TMEM39A: variants seen among roughly 807,000 people sequenced by gnomAD.
TMEM39A encodes the protein transmembrane protein 39A, also known as suppressor of SQST-1 aggregates in rpl-43 mutants.
In TMEM39A, 19 loss-of-function variants were observed where a neutral mutation model predicts 51.9. The ratio of observed to expected loss-of-function variants is 0.37; its 90% CI spans 0.26 to 0.54. TMEM39A has a LOEUF of 0.54. TMEM39A is among the 20% of genes least tolerant of loss of function. The pLI is 0.88. For missense variants in TMEM39A, 433 were observed against 590.5 expected, an observed-to-expected ratio of 0.73 and a Z score of 2.76; for synonymous variants, 197 against 220.2, an observed-to-expected ratio of 0.89 and a Z score of 0.93.
In TMEM39A at chr3:119,447,065, A is replaced by T; in HGVS notation, c.528T>A (p.Asn176Lys). ...TGAGGACTGAATGGCTTCGAAAGAGATTGACGAGGGTCCAACAAAGTACCC... is the reference window on the plus strand; with the variant it reads ...TGAGGACTGAATGGCTTCGAAAGAGTTTGACGAGGGTCCAACAAAGTACCC... ...CGWVLCWTLVNLFRSHSVLNL... is the reference protein window; with the variant it reads ...CGWVLCWTLVKLFRSHSVLNL... Residue 176 changes from asparagine to lysine, a missense_variant, in exon 5 of 9, where the codon AAT (asparagine) becomes AAA (lysine). By Grantham distance (94) the Asn-to-Lys change is moderately conservative. Around this residue, in one of 3 missense-constraint regions of TMEM39A, gnomAD observed 170 missense variants for 239.8 expected, o/e 0.71. Coordinates refer to ENST00000319172, the MANE Select transcript of TMEM39A (RefSeq NM_018266.3). The T allele has an allele frequency of 2.5e-6, 4 of 1,614,176 alleles. No individual in the cohort carries two copies. Among genetic ancestry groups the T allele is most frequent in the Non-Finnish European group, 3.4e-6 (4 of 1,180,020 alleles).
intron 5 of TMEM39A, among the ~76,000 whole-genome samples, chr3:119,439,860 T>C (rs980998207): frequency 6.6e-6 from 1 of 152,066 alleles, no homozygotes; most frequent in Non-Finnish European, 1.5e-5. Flanking sequence ...CTCAACTTCT[T>C]GGGCTCACGC....
chr3:119,437,859 C>T lies in TMEM39A; in HGVS notation c.820G>A (p.Val274Ile), dbSNP rs773038693. The change falls in exon 6 of 9, where the codon GTA becomes ATA. Residue 274 changes from valine to isoleucine, a missense_variant. This residue lies in a region of TMEM39A where 223 missense variants were observed against 328.1 expected (regional missense o/e 0.68). Coordinates refer to ENST00000319172, the MANE Select transcript of TMEM39A (RefSeq NM_018266.3). ...TTGAAATCTGCTTTCAGACATTCTACTTCATTGCGAATGAGGTCTGGAGAT... is the reference window on the plus strand; with the variant it reads ...TTGAAATCTGCTTTCAGACATTCTATTTCATTGCGAATGAGGTCTGGAGAT... ...PLSPDLIRNE[V>I]ECLKADFNHR... 1 of 1,612,372 alleles carries T rather than the reference C, an allele frequency of 6.2e-7. No individual in the cohort carries two copies. The highest frequency in any genetic ancestry group is 8.5e-7 in the Non-Finnish European group (1 of 1,178,500).
intron 2 of TMEM39A, among the ~76,000 whole-genome samples, chr3:119,461,634 GA>G (rs1200886918): frequency 2.0e-5 from 3 of 151,256 alleles, no homozygotes; most frequent in Non-Finnish European, 4.5e-5. Flanking sequence ...TCTAAAAAAA[GA>G]ATGCTTATAA....
chr3:119,438,271 T>C (rs2081002088), intron 5 of TMEM39A, among the ~76,000 whole-genome samples, 168 bp from the exon 6 acceptor site: 1 of 152,170 alleles, frequency 6.6e-6, no homozygotes, highest in Non-Finnish European at 1.5e-5. Flanking sequence ...TCTGGGGAGC[T>C]CTTCAATTTC....
rs897316759 is a variant in TMEM39A, at chr3:119,435,051, A to C, written c.1113-169T>G. 8.3e-6 allele frequency: 8 copies of C among 964,576 alleles called. No homozygotes were observed. The African/African-American group carries it at 1.4e-4, about 17-fold the overall frequency. 59.8% of individuals were successfully genotyped at this position (964,576 alleles called of 1,614,324 possible). A position where few individuals can be genotyped will look rare whatever the true frequency, so the allele number is the denominator to read the frequency against. On this transcript the variant is annotated intron_variant, in intron 7 of 8. Coordinates refer to ENST00000319172, the MANE Select transcript of TMEM39A (RefSeq NM_018266.3). ...TCAAACTGGAGTAGTTTTAGAAAGG[A>C]TTTGTTACTTTAACTTCATTGCTAT...
rs946526383 is a variant in TMEM39A at position 119,430,687 on chromosome 3, G to C, written c.*1294C>G. ...ACATAAAACTGATATTGGGTACCTT[G>C]GTTTTACAAACACTCCTCACAATAC... is the stretch of plus-strand genomic sequence containing the variant. On this transcript the variant is annotated 3_prime_UTR_variant, in exon 9 of 9. Coordinates refer to ENST00000319172, the MANE Select transcript of TMEM39A (RefSeq NM_018266.3). The C allele has an allele frequency of 6.6e-6, 1 of 152,034 alleles. No homozygotes were observed. Among genetic ancestry groups the C allele is most frequent in the African/African-American group, 2.4e-5 (1 of 41,412 alleles). 9.4% of individuals were successfully genotyped at this position (152,034 alleles called of 1,614,324 possible).
intron 5 of TMEM39A, among the ~76,000 whole-genome samples, chr3:119,441,119 G>T (rs1471088951): frequency 6.6e-6 from 1 of 151,924 alleles, no homozygotes; most frequent in African/African-American, 2.4e-5. Flanking sequence ...TCTCCCTCAC[G>T]TCAGACCTCC....
chr3:119,446,688 G>C (rs1465601981), intron 5 of TMEM39A: 1 of 190,046 alleles, frequency 5.3e-6, no homozygotes, highest in African/African-American at 2.3e-5. Flanking sequence ...TCGAACCAGT[G>C]CATTCATCTA....
chr3:119,435,831 T>A, intron 7 of TMEM39A: 1 of 1,288,578 alleles, frequency 7.8e-7, no homozygotes, highest in Non-Finnish European at 1.0e-6. Flanking sequence ...GTACTGTGGA[T>A]TGTATTTTCA....
chr3:119,462,256 C>G, intron 1 of TMEM39A, 108 bp from the exon 2 acceptor site: 2 of 556,270 alleles, frequency 3.6e-6, no homozygotes, highest in Admixed American at 3.2e-5. Context: ...GATTTTCAAA[C>G]GAATGTTCCC....
rs1295115394 is a variant in TMEM39A at position 119,463,410 on chromosome 3, A to C, written c.-149T>G. The C allele has an allele frequency of 5.1e-6, 2 of 393,628 alleles. No individual in the cohort carries two copies. The highest frequency in any genetic ancestry group is 4.1e-5 in the African/African-American group (2 of 48,494). 24.4% of individuals were successfully genotyped at this position (393,628 alleles called of 1,614,324 possible). A position where few individuals can be genotyped will look rare whatever the true frequency, so the allele number is the denominator to read the frequency against. ...AACTTTACAGACTGGACCCCAGGTA[A>C]GGGAACTCCCTCCCAGCGTTGGAAC... On this transcript the variant is annotated 5_prime_UTR_variant, in exon 1 of 9. Transcript: ENST00000319172.
intron 2 of TMEM39A, among the ~76,000 whole-genome samples, chr3:119,460,491 T>C (rs2081322832): frequency 6.6e-6 from 1 of 152,178 alleles, no homozygotes; most frequent in South Asian, 2.1e-4. Flanking sequence ...CATAGTATCT[T>C]AATATTTAAA....
chr3:119,457,002 G>A (rs1163447345), intron 3 of TMEM39A, among the ~76,000 whole-genome samples: 3 of 144,670 alleles, frequency 2.1e-5, no homozygotes, highest in Admixed American at 1.4e-4. Context: ...ACAGAGTCTC[G>A]CTCTGTCGCC....
chr3:119,462,766 T>C (rs935497251), intron 1 of TMEM39A, among the ~76,000 whole-genome samples: 1 of 151,664 alleles, frequency 6.6e-6, no homozygotes, highest in African/African-American at 2.4e-5. Context: ...TCTCTATATG[T>C]TAGGGTTAAA....
At chr3:119,461,035 T>G (rs2081329492) in intron 2 of TMEM39A, among the ~76,000 whole-genome samples, 1 of 152,240 alleles carries the variant, frequency 6.6e-6, no homozygotes, top group Non-Finnish European at 1.5e-5. Flanking sequence ...CTACTTCATT[T>G]ATTTCAACAT....
chr3:119,450,737 G>A (rs1019858876), intron 4 of TMEM39A, among the ~76,000 whole-genome samples: 6 of 142,898 alleles, frequency 4.2e-5, no homozygotes, highest in Admixed American at 1.5e-4. Context: ...CAGGAGAATC[G>A]CTCGAACCTG....
chr3:119,444,937 G>C (rs921824785), intron 5 of TMEM39A, among the ~76,000 whole-genome samples: 4 of 152,122 alleles, frequency 2.6e-5, no homozygotes, highest in Non-Finnish European at 5.9e-5. Flanking sequence ...AAAATTAGCG[G>C]GGCATGGTGG....
chr3:119,456,973 C>CT (rs35937230), intron 3 of TMEM39A, among the ~76,000 whole-genome samples: 20,715 of 140,520 alleles, frequency 0.15, 1,879 homozygotes, highest in Non-Finnish European at 0.2. Context: ...TCATGGTACT[C>CT]TTTTTTTTTT....
rs571641012 is a variant in TMEM39A at position 119,437,348 on chromosome 3, TTAAAG to T, written c.925-375_925-371del. ...ACATCCAGACCATTTTTCTTTTCTA[TTAAAG>T]TAAACTGAAGTTTAGATAAGGGCTA... On this transcript the variant is annotated intron_variant, in intron 6 of 8. Coordinates refer to ENST00000319172, the MANE Select transcript of TMEM39A (RefSeq NM_018266.3). 2.5e-3 allele frequency among the ~76,000 whole-genome samples: 373 copies of T among 152,108 alleles called. 1 individual carries two copies. The highest frequency in any genetic ancestry group is 6.8e-3 in the Middle Eastern group (2 of 294).
Sources: gnomAD v4.1 joint callset for allele counts (sites outside exome capture counted in the v4.1 genomes callset) on GRCh38, gnomAD v4.1.1 for gene constraint, gnomAD v4.1.1 regional missense constraint, MANE v1.5 for transcripts, NCBI Gene and HGNC (gene_info 2026-07-23, HGNC 2026-07-21) for gene names.